The following ANKRD35 variants were observed in gnomAD, a reference collection of about 807,000 sequenced individuals.
The protein encoded by ANKRD35 is ankyrin repeat domain-containing protein 35.
A neutral mutation model predicts 109.9 loss-of-function variants in ANKRD35; 102 were observed. The observed-to-expected ratio is 0.93, with a 90% CI of 0.79 to 1.09. ANKRD35 has a LOEUF of 1.09. Ranked by LOEUF, ANKRD35 falls within the 50% of genes least tolerant of loss-of-function variation. ANKRD35 has a pLI of 0.00. For synonymous variants in ANKRD35, 515 were observed against 512.4 expected (o/e 1.01, Z -0.07); for missense variants, 1,240 against 1,230.1 (o/e 1.01, Z -0.12).
In ANKRD35 at chr1:145,867,195, C is replaced by T. The variant is rs781993696; in HGVS notation, c.*43+92G>A. 34 of 839,678 alleles carry T rather than the reference C, an allele frequency of 4.0e-5. No individual in the cohort carries two copies. The Middle Eastern group carries it at 1.5e-3, about 37-fold the overall frequency. The allele number at this position is 839,678 out of a possible 1,614,324, so 52.0% of individuals were successfully genotyped here. A position where few individuals can be genotyped will look rare whatever the true frequency, so the allele number is the denominator to read the frequency against. ...AAAGGCTCCCCATTGTCAGCCACCA[C>T]GGGGGCAAAAGGGACTAATTTCATT... On this transcript the variant is annotated intron_variant, in intron 13 of 13. Transcript: ENST00000355594.
chr1:145,873,512 C>A lies in ANKRD35; in HGVS notation c.1257G>T (p.Arg419Ser). The A allele has an allele frequency of 6.2e-7, 1 of 1,614,048 alleles. No individual in the cohort carries two copies. Among genetic ancestry groups the A allele is most frequent in the Admixed American group, 1.7e-5 (1 of 60,014 alleles). Residue 419 changes from arginine to serine, a missense_variant, in exon 10 of 14, where the codon AGG (arginine) becomes AGT (serine). Coordinates refer to ENST00000355594, the MANE Select transcript of ANKRD35 (RefSeq NM_144698.5). ...PGKIQYEVHG[R>S]SQPEEQGPPQ... ...GTGGCCCCTGTTCTTCTGGTTGGGA[C>A]CTTCCATGGACTTCATACTGGATCT...
At chr1:145,881,367 G>C (rs1324413652) in intron 1 of ANKRD35, among the ~76,000 whole-genome samples, 2 of 152,120 alleles carry the variant, frequency 1.3e-5, no homozygotes, top group Non-Finnish European at 2.9e-5. Context: ...ACTACTACAA[G>C]CTATAGAAAC....
chr1:145,879,910 C>T (rs1654225233), intron 1 of ANKRD35, among the ~76,000 whole-genome samples: 1 of 152,152 alleles, frequency 6.6e-6, no homozygotes, highest in Non-Finnish European at 1.5e-5. Context: ...CTAGGAGTTC[C>T]AATACCTAAC....
chr1:145,872,613 T>C lies in ANKRD35; in HGVS notation c.2156A>G (p.Gln719Arg). 4 of 1,613,916 alleles carry C rather than the reference T, an allele frequency of 2.5e-6. No individual in the cohort carries two copies. The highest frequency in any genetic ancestry group is 2.5e-6 in the Non-Finnish European group (3 of 1,179,914). The stretch of plus-strand genomic sequence containing the variant: ...CTCCAGGGACTCCGCTGCTTTGCTT[T>C]GTGCACTCCTCTCGCCCACTAGGTC... ...PADLVGERSA[Q>R]SKAAESLEEL... Residue 719 changes from glutamine to arginine, a missense_variant, in exon 10 of 14, where the codon CAA becomes CGA. Coordinates refer to ENST00000355594, the MANE Select transcript of ANKRD35 (RefSeq NM_144698.5).
At chr1:145,877,623 A>C in intron 4 of ANKRD35, among the ~76,000 whole-genome samples, 1 of 151,996 alleles carries the variant, frequency 6.6e-6, no homozygotes, top group East Asian at 1.9e-4. Flanking sequence ...TAGACTATAA[A>C]CTCTTCAGAA....
In ANKRD35 at chr1:145,872,796, G is replaced by A. The variant is rs782074638; in HGVS notation, c.1973C>T (p.Pro658Leu). The A allele has an allele frequency of 1.9e-6, 3 of 1,613,974 alleles. No homozygotes were observed. Among genetic ancestry groups the A allele is most frequent in the Non-Finnish European group, 2.5e-6 (3 of 1,179,948 alleles). ...LSQRLQREFV[P>L]KPQAQVQLQQ... ...TAGCTGGACCTGCGCCTGTGGCTTG[G>A]GCACAAACTCCCGCTGCAGCCGCTG... Residue 658 changes from proline (P) to leucine (L), a missense_variant, in exon 10 of 14, where the codon CCC becomes CTC. Pro to Leu is a moderately conservative substitution (Grantham distance 98). Transcript: ENST00000355594.
rs201311109 is a variant in ANKRD35, at chr1:145,876,896, G to C, written c.325-23C>G. ...ATGCTGCAAATGGCCACAAAGGGAAGCAGCATGGAGCTTGGTGTTAACATC... is the reference window on the plus strand; with the variant it reads ...ATGCTGCAAATGGCCACAAAGGGAACCAGCATGGAGCTTGGTGTTAACATC... On this transcript the variant is annotated intron_variant, in intron 4 of 13. Transcript: ENST00000355594. The C allele has an allele frequency of 1.9e-5, 31 of 1,613,750 alleles. No homozygotes were observed. The African/African-American group carries it at 3.9e-4, about 20-fold the overall frequency.
At position 145,872,131 on chromosome 1, in the gene ANKRD35, G is replaced by C; in HGVS notation, c.2638C>G (p.Arg880Gly). ...LREAVAEERR[R>G]SGDLAAQAAE... ...GCCTGAGCGGCCAGGTCCCCGCTCC[G>C]GCGGCGCTCCTCGGCCACCGCCTCC... The change falls in exon 10 of 14, where the codon CGG (arginine) becomes GGG (glycine). Residue 880 changes from arginine (R) to glycine (G), a missense_variant. Coordinates refer to ENST00000355594, the MANE Select transcript of ANKRD35 (RefSeq NM_144698.5). 1 of 1,609,986 alleles carries C rather than the reference G, an allele frequency of 6.2e-7. No homozygotes were observed. The highest frequency in any genetic ancestry group is 2.2e-5 in the East Asian group (1 of 44,810).
In ANKRD35 at chr1:145,868,198, C is replaced by T. The variant is rs200198329; in HGVS notation, c.2877+113G>A. 42 of 1,477,496 alleles carry T rather than the reference C, an allele frequency of 2.8e-5. No homozygotes were observed. The East Asian group carries it at 9.3e-4, about 33-fold the overall frequency. The allele number at this position is 1,477,496 out of a possible 1,614,324, so 91.5% of individuals were successfully genotyped here. ...ATCCTGGACCACTGCCTAGCCAGGC[C>T]TCTGTAATTCCTAGAATGTCTCCCT... On this transcript the variant is annotated intron_variant, in intron 11 of 13. Transcript: ENST00000355594.
intron 11 of ANKRD35, 82 bp from the exon 12 acceptor site, chr1:145,868,138 A>C: frequency 2.0e-6 from 3 of 1,524,452 alleles, no homozygotes; most frequent in Non-Finnish European, 2.7e-6. Flanking sequence ...AGTGGTCAGC[A>C]GTACCAGGTG....
Position 145,874,159 on chromosome 1 carries a change from G to A in ANKRD35, c.779C>T (p.Ser260Phe). ...QRLVQHPDLASQASPSEPQAG... is the reference protein window; with the variant it reads ...QRLVQHPDLAFQASPSEPQAG... ...GGGAGGCACTTAGGGTCTTACCTGG[G>A]ATGCGAGATCTGGGTGCTGGACTAG... The change falls in exon 9 of 14, where the codon TCC (serine) becomes TTC (phenylalanine). Residue 260 changes from serine to phenylalanine, a missense_variant. Coordinates refer to ENST00000355594, the MANE Select transcript of ANKRD35 (RefSeq NM_144698.5). The A allele has an allele frequency of 6.2e-7, 1 of 1,614,150 alleles. No homozygotes were observed. Among genetic ancestry groups the A allele is most frequent in the Non-Finnish European group, 8.5e-7 (1 of 1,179,992 alleles).
At position 145,872,615 on chromosome 1, in the gene ANKRD35, T is replaced by G. The variant is rs782035173; in HGVS notation, c.2154A>C (p.Ala718=). The G allele has an allele frequency of 2.5e-6, 4 of 1,613,822 alleles. No homozygotes were observed. Among genetic ancestry groups the G allele is most frequent in the Admixed American group, 3.3e-5 (2 of 59,964 alleles). The part of the protein sequence containing the change: ...LPADLVGERS[A]QSKAAESLEE... ...CCAGGGACTCCGCTGCTTTGCTTTG[T>G]GCACTCCTCTCGCCCACTAGGTCTG... Residue 718 remains alanine, a synonymous_variant, in exon 10 of 14, where the codon GCA becomes GCC. Coordinates refer to ENST00000355594, the MANE Select transcript of ANKRD35 (RefSeq NM_144698.5).
Position 145,867,310 on chromosome 1 carries a change from G to T in ANKRD35, c.*20C>A. 1 of 1,611,286 alleles carries T rather than the reference G, an allele frequency of 6.2e-7. No individual in the cohort carries two copies. Among genetic ancestry groups the T allele is most frequent in the South Asian group, 1.1e-5 (1 of 91,008 alleles). Reference sequence around the variant, plus strand: ...ACAACAGAGAATCTCGTATCCCTGAGGGCACACAGTGAGGCTGCCTCACTC... The same window carrying T: ...ACAACAGAGAATCTCGTATCCCTGATGGCACACAGTGAGGCTGCCTCACTC... On this transcript the variant is annotated 3_prime_UTR_variant, in exon 13 of 14. Transcript: ENST00000355594.
At position 145,872,228 on chromosome 1, in the gene ANKRD35, C is replaced by T. The variant is rs1653854569; in HGVS notation, c.2541G>A (p.Gln847=). The part of the protein sequence containing the change: ...KTRGSLVAQA[Q]AWGQELKALL... Reference sequence around the variant, plus strand: ...GAGCCTTTAGCTCCTGGCCCCAAGCCTGAGCCTGGGCCACCAGCGAACCCC... The same window carrying T: ...GAGCCTTTAGCTCCTGGCCCCAAGCTTGAGCCTGGGCCACCAGCGAACCCC... Residue 847 remains glutamine, a synonymous_variant, in exon 10 of 14, where the codon CAG becomes CAA. Transcript: ENST00000355594. The T allele has an allele frequency of 6.2e-7, 1 of 1,610,766 alleles. No individual in the cohort carries two copies. The highest frequency in any genetic ancestry group is 8.5e-7 in the Non-Finnish European group (1 of 1,178,652).
At position 145,876,075 on chromosome 1, in the gene ANKRD35, C is replaced by T; in HGVS notation, c.560+65G>A. 3.6e-6 allele frequency: 5 copies of T among 1,403,028 alleles called. No individual in the cohort carries two copies. The South Asian group carries it at 6.0e-5, about 17-fold the overall frequency. The allele number at this position is 1,403,028 out of a possible 1,614,324, so 86.9% of individuals were successfully genotyped here. On this transcript the variant is annotated intron_variant, in intron 7 of 13. Transcript: ENST00000355594. ...CACAAACACACACACACACACGTTG[C>T]CCACTGGCTTCTTTCTAAATTGGTC...
At position 145,872,991 on chromosome 1, in the gene ANKRD35, C is replaced by G; in HGVS notation, c.1778G>C (p.Gly593Ala). The G allele has an allele frequency of 6.2e-7, 1 of 1,610,484 alleles. No individual in the cohort carries two copies. Reference sequence around the variant, plus strand: ...CCCTCCAAGGGCCCCTAGAGGCTCTCCTTGAGCCCCAGGAACCCTTTTCTC... The same window carrying G: ...CCCTCCAAGGGCCCCTAGAGGCTCTGCTTGAGCCCCAGGAACCCTTTTCTC... ...EKEKRVPGAQ[G>A]EPLGALGGEK... is the part of the protein sequence containing the mutation. Residue 593 changes from glycine to alanine, a missense_variant, in exon 10 of 14, where the codon GGA becomes GCA. Transcript: ENST00000355594.
In ANKRD35 at chr1:145,876,580, C is replaced by T. The variant is rs143368139; in HGVS notation, c.442G>A (p.Val148Met). 65 of 1,614,180 alleles carry T rather than the reference C, an allele frequency of 4.0e-5. No homozygotes were observed. The highest frequency in any genetic ancestry group is 3.3e-4 in the South Asian group (30 of 91,080). The part of the protein sequence containing the change: ...LLCDHEAFLD[V>M]LDNDGRTPLM... Reference sequence around the variant, plus strand: ...CATCTGACACTCACATTATCCAACACGTCCAGGAAGGCTTCGTGGTCACAC... The same window carrying T: ...CATCTGACACTCACATTATCCAACATGTCCAGGAAGGCTTCGTGGTCACAC... The change falls in exon 6 of 14, where the codon GTG (valine) becomes ATG (methionine). Residue 148 changes from valine (V) to methionine (M), a missense_variant. Physicochemically the swap from Val to Met is conservative, Grantham distance 21. Transcript: ENST00000355594.
intron 1 of ANKRD35, among the ~76,000 whole-genome samples, chr1:145,880,991 G>A (rs782105111): frequency 6.6e-6 from 1 of 152,130 alleles, no homozygotes; most frequent in Non-Finnish European, 1.5e-5. Flanking sequence ...ATTGGAATTA[G>A]AATCCAGGCC....
At chr1:145,884,898 G>T (rs1221900546) in intron 1 of ANKRD35, among the ~76,000 whole-genome samples, 1 of 152,204 alleles carries the variant, frequency 6.6e-6, no homozygotes, top group Non-Finnish European at 1.5e-5. Context: ...GGACTCTGCA[G>T]GCAACTCACC....
Sources: gnomAD v4.1 joint callset for allele counts (sites outside exome capture counted in the v4.1 genomes callset) on GRCh38, gnomAD v4.1.1 for gene constraint, MANE v1.5 for transcripts, NCBI Gene and HGNC (gene_info 2026-07-23, HGNC 2026-07-21) for gene names.